The following CYB5R3 variants were observed in gnomAD, a reference collection of about 807,000 sequenced individuals.
CYB5R3 encodes the protein NADH-cytochrome b5 reductase 3.
A neutral mutation model predicts 36.5 loss-of-function variants in CYB5R3; 28 were observed. The ratio of observed to expected loss-of-function variants is 0.77; its 90% CI spans 0.57 to 1.05. The LOEUF is 1.05. Ranked by LOEUF, CYB5R3 falls within the 50% of genes least tolerant of loss-of-function variation. The probability of loss-of-function intolerance (pLI) is 0.00; values close to 1 mark genes in which losing one functional copy is unlikely to be tolerated. For synonymous variants in CYB5R3, 181 were observed against 159.8 expected (o/e 1.13, Z -1.00); for missense variants, 474 against 408.9 (o/e 1.16, Z -1.37).
chr22:42,649,340 TGTC>T lies in CYB5R3; in HGVS notation c.-28_-26del. 3 of 983,082 alleles carry T rather than the reference TGTC, an allele frequency of 3.1e-6. No homozygotes were observed. Among genetic ancestry groups the T allele is most frequent in the Non-Finnish European group, 3.7e-6 (3 of 811,160 alleles). 60.9% of individuals were successfully genotyped at this position (983,082 alleles called of 1,614,324 possible). A position where few individuals can be genotyped will look rare whatever the true frequency, so the allele number is the denominator to read the frequency against. ...TGGTGGCCCCGCGCCGCGCTCGCTCTGTCGCCGCCGCCGCCGCCGCCGAGACCG... is the reference window on the plus strand; with the variant it reads ...TGGTGGCCCCGCGCCGCGCTCGCTCTGCCGCCGCCGCCGCCGCCGAGACCG... On this transcript the variant is annotated 5_prime_UTR_variant, in exon 1 of 9. Transcript: ENST00000352397.
At chr22:42,623,149 G>A (rs1313458902) in intron 8 of CYB5R3, among the ~76,000 whole-genome samples, 3 of 152,238 alleles carry the variant, frequency 2.0e-5, no homozygotes. Context: ...TTACAGCAAA[G>A]AAGAAATTGA....
intron 1 of CYB5R3, among the ~76,000 whole-genome samples, chr22:42,643,285 G>C (rs982138370): frequency 6.6e-6 from 1 of 152,186 alleles, no homozygotes; most frequent in African/African-American, 2.4e-5. Flanking sequence ...AGATGAGCTG[G>C]GGCCCAGGTC....
intron 2 of CYB5R3, among the ~76,000 whole-genome samples, chr22:42,634,620 T>TATTG (rs202176575): frequency 0.26 from 37,592 of 143,058 alleles, 632 homozygotes; most frequent in South Asian, 0.33. Flanking sequence ...CTAATTTTCA[T>TATTG]ATTGATTGAT....
At chr22:42,628,003 G>A (rs1279110141) in intron 5 of CYB5R3, 149 bp downstream of exon 5, 3 of 1,183,314 alleles carry the variant, frequency 2.5e-6, no homozygotes, top group Non-Finnish European at 3.7e-6. Flanking sequence ...TCTACAGCCA[G>A]GGAGACTCAG....
intron 3 of CYB5R3, 87 bp downstream of exon 3, chr22:42,631,291 G>T: frequency 7.4e-7 from 1 of 1,344,008 alleles, no homozygotes. Flanking sequence ...TGCTCTCCCT[G>T]GTGGAAATGT....
At chr22:42,639,347 A>T (rs1234645573) in intron 1 of CYB5R3, among the ~76,000 whole-genome samples, 1 of 128,446 alleles carries the variant, frequency 7.8e-6, no homozygotes, top group South Asian at 2.4e-4. Context: ...GTGGGGGGGG[A>T]CCGGGCACGG....
chr22:42,627,271 C>T (rs1382920614), intron 7 of CYB5R3, 33 bp downstream of exon 7: 1 of 1,595,746 alleles, frequency 6.3e-7, no homozygotes, highest in Non-Finnish European at 8.6e-7. Context: ...TCAGGGTAAG[C>T]TGAGTTTCCC....
chr22:42,635,034 A>G (rs867352975), intron 2 of CYB5R3, among the ~76,000 whole-genome samples: 9 of 150,176 alleles, frequency 6.0e-5, no homozygotes, highest in Middle Eastern at 3.5e-3. Flanking sequence ...CAGTGGCGCA[A>G]TCTCGGCTCA....
intron 1 of CYB5R3, chr22:42,639,864 TC>T: frequency 1.5e-6 from 2 of 1,314,194 alleles, no homozygotes; most frequent in Non-Finnish European, 2.0e-6. Flanking sequence ...TTTTGGAATT[TC>T]TGACAAATCT....
chr22:42,638,728 T>TAAAAAAAAAGAAAAAAAAA (rs1929049263), intron 1 of CYB5R3, among the ~76,000 whole-genome samples: 1 of 47,488 alleles, frequency 2.1e-5, no homozygotes, highest in Non-Finnish European at 3.6e-5. Flanking sequence ...CAAGACTCCA[T>TAAAAAAAAAGAAAAAAAAA]AAAAAAAAAA....
chr22:42,639,044 A>G (rs997494750), intron 1 of CYB5R3: 6 of 431,606 alleles, frequency 1.4e-5, no homozygotes, highest in African/African-American at 1.3e-4. Flanking sequence ...CAAAAAAAAA[A>G]AAAGGCCAGG....
intron 4 of CYB5R3, among the ~76,000 whole-genome samples, chr22:42,630,281 G>C (rs1047690240): frequency 1.3e-5 from 2 of 152,076 alleles, no homozygotes; most frequent in African/African-American, 4.8e-5. Flanking sequence ...CCAGCTCCCA[G>C]ACAACACCAC....
At position 42,628,522 on chromosome 22, in the gene CYB5R3, C is replaced by T. The variant is rs1023793104; in HGVS notation, c.334-241G>A. Among the ~76,000 whole-genome samples the T allele has an allele frequency of 9.8e-5, 15 of 152,318 alleles. 2 individuals are homozygous for T. Among genetic ancestry groups the T allele is most frequent in the Admixed American group, 3.9e-4 (6 of 15,304 alleles). On this transcript the variant is annotated intron_variant, in intron 4 of 8. Coordinates refer to ENST00000352397, the MANE Select transcript of CYB5R3 (RefSeq NM_000398.7). ...TCCGGGGAAAGCAAACCACCAGCCT[C>T]GTGTACAAGGCCGACCAACTCCAGG...
intron 2 of CYB5R3, among the ~76,000 whole-genome samples, chr22:42,636,343 C>T (rs921867167): frequency 2.0e-5 from 3 of 152,124 alleles, no homozygotes; most frequent in African/African-American, 7.2e-5. Flanking sequence ...TCCAGTAGTA[C>T]CAGGCTGTGG....
rs749944418 is a variant in CYB5R3 at position 42,636,802 on chromosome 22, C to T, written c.66G>A (p.Leu22=). The part of the protein sequence containing the change: ...VLFPVWFLYS[L]LMKLFQRSTP... ...TGGAGCGCTGGAACAGCTTCATGAG[C>T]AGACTGTACAGGAACCAGACTGGGA... Residue 22 remains leucine, a synonymous_variant, in exon 2 of 9, where the codon CTG becomes CTA. Coordinates refer to ENST00000352397, the MANE Select transcript of CYB5R3 (RefSeq NM_000398.7). The T allele has an allele frequency of 6.9e-5, 112 of 1,613,850 alleles. 1 individual carries two copies. The East Asian group carries it at 2.5e-3, about 36-fold the overall frequency.
chr22:42,637,146 T>G (rs1928944594), intron 1 of CYB5R3, among the ~76,000 whole-genome samples: 1 of 152,192 alleles, frequency 6.6e-6, no homozygotes, highest in African/African-American at 2.4e-5. Context: ...TCTAAGCACA[T>G]ATCCTTTTTC....
chr22:42,627,373 C>A lies in CYB5R3; in HGVS notation c.564G>T (p.Leu188=), dbSNP rs149851138. 14 of 1,613,684 alleles carry A rather than the reference C, an allele frequency of 8.7e-6. No homozygotes were observed. The highest frequency in any genetic ancestry group is 2.7e-5 in the African/African-American group (2 of 74,942). ...IAGGTGITPM[L]QVIRAIMKDP... is the part of the protein sequence containing the mutation. ...CCTTCATGATGGCGCGGATCACCTG[C>A]AGCATCGGGGTGATGCCTGCAAAAT... is the stretch of plus-strand genomic sequence containing the variant. Residue 188 remains leucine, a synonymous_variant, in exon 7 of 9, where the codon CTG becomes CTT. Coordinates refer to ENST00000352397, the MANE Select transcript of CYB5R3 (RefSeq NM_000398.7).
chr22:42,640,172 T>C lies in CYB5R3; in HGVS notation c.22-3326A>G, dbSNP rs1929168037. The C allele has an allele frequency of 6.2e-7, 1 of 1,612,736 alleles. No homozygotes were observed. Among genetic ancestry groups the C allele is most frequent in the Non-Finnish European group, 8.5e-7 (1 of 1,179,900 alleles). On this transcript the variant is annotated intron_variant, in intron 1 of 8. Coordinates refer to ENST00000352397, the MANE Select transcript of CYB5R3 (RefSeq NM_000398.7). ...GGGGTGGGAGGAACCAGCTCAACCG[T>C]GGTGTAGTACCAAAATGCGGCCAAT... is the stretch of plus-strand genomic sequence containing the variant.
In CYB5R3 at chr22:42,649,330, G is replaced by A. The variant is rs1315732173; in HGVS notation, c.-15C>T. The A allele has an allele frequency of 5.9e-6, 6 of 1,010,224 alleles. No homozygotes were observed. Among genetic ancestry groups the A allele is most frequent in the South Asian group, 3.6e-5 (1 of 27,410 alleles). The allele number at this position is 1,010,224 out of a possible 1,614,324, so 62.6% of individuals were successfully genotyped here. Reference sequence around the variant, plus strand: ...TGGGCCCCCATGGTGGCCCCGCGCCGCGCTCGCTCTGTCGCCGCCGCCGCC... The same window carrying A: ...TGGGCCCCCATGGTGGCCCCGCGCCACGCTCGCTCTGTCGCCGCCGCCGCC... On this transcript the variant is annotated 5_prime_UTR_variant, in exon 1 of 9. Coordinates refer to ENST00000352397, the MANE Select transcript of CYB5R3 (RefSeq NM_000398.7).
Sources: allele counts gnomAD v4.1 joint callset (sites outside exome capture counted in the v4.1 genomes callset), GRCh38; gene constraint gnomAD v4.1.1; transcripts MANE v1.5; gene names NCBI Gene and HGNC (gene_info 2026-07-23, HGNC 2026-07-21).